The following AFG2A variants were observed in gnomAD, a reference collection of about 807,000 sequenced individuals.
AFG2A encodes ATPase family gene 2 protein homolog A.
chr4:123,281,783 A>G, the AFG2A span, among the ~76,000 whole-genome samples: 25,598 of 152,166 alleles, frequency 0.17, 2,539 homozygotes, highest in African/African-American at 0.27. Flanking sequence ...CTATAAGGCC[A>G]TGACAGTGCA....
chr4:123,140,542 G>A, the AFG2A span, among the ~76,000 whole-genome samples: 1 of 151,026 alleles, frequency 6.6e-6, no homozygotes, highest in East Asian at 1.9e-4. Flanking sequence ...AATGCCACAG[G>A]CATTATAAAT....
At chr4:122,947,940 T>A in the AFG2A span, among the ~76,000 whole-genome samples, 1 of 152,122 alleles carries the variant, frequency 6.6e-6, no homozygotes, top group Non-Finnish European at 1.5e-5. Flanking sequence ...ATTGGAAAAT[T>A]TTTTGGAGAT....
chr4:123,223,674 A>G, the AFG2A span, among the ~76,000 whole-genome samples: 4 of 152,124 alleles, frequency 2.6e-5, no homozygotes, highest in African/African-American at 7.2e-5. Flanking sequence ...CCATGGTCCA[A>G]TCACCTCCCA....
the AFG2A span, among the ~76,000 whole-genome samples, chr4:123,192,837 CT>C: frequency 6.6e-6 from 1 of 152,180 alleles, no homozygotes; most frequent in Non-Finnish European, 1.5e-5. Context: ...TTTATTCTAC[CT>C]TTGATTTGGT....
the AFG2A span, among the ~76,000 whole-genome samples, chr4:122,944,098 C>G: frequency 6.6e-6 from 1 of 152,300 alleles, no homozygotes; most frequent in South Asian, 2.1e-4. Flanking sequence ...TTTGGTGAAT[C>G]TGACAATTAT....
At chr4:123,293,786 G>A in the AFG2A span, among the ~76,000 whole-genome samples, 14 of 152,200 alleles carry the variant, frequency 9.2e-5, no homozygotes, top group African/African-American at 3.1e-4. Context: ...GAGTTCAGAT[G>A]CCAGCAGTCT....
the AFG2A span, among the ~76,000 whole-genome samples, chr4:123,052,885 C>T: frequency 2.0e-5 from 3 of 152,162 alleles, no homozygotes; most frequent in African/African-American, 7.2e-5. Context: ...CAGTCTGTGG[C>T]TGAAGGCCTG....
the AFG2A span, among the ~76,000 whole-genome samples, chr4:123,041,482 T>A: frequency 9.7e-4 from 148 of 151,944 alleles, no homozygotes; most frequent in Admixed American, 2.5e-3. Flanking sequence ...TTTTAGACTA[T>A]GTATAATCTA....
chr4:122,950,618 G>T, the AFG2A span, among the ~76,000 whole-genome samples: 1 of 152,238 alleles, frequency 6.6e-6, no homozygotes, highest in East Asian at 1.9e-4. Context: ...GGGATTACAG[G>T]CGTGAGCCAC....
the AFG2A span, among the ~76,000 whole-genome samples, chr4:123,046,104 A>AG: frequency 1.3e-5 from 2 of 151,990 alleles, no homozygotes; most frequent in African/African-American, 4.8e-5. Flanking sequence ...CTCAAAAAAA[A>AG]AAAAGAAAGA....
At chr4:123,209,951 C>A in the AFG2A span, among the ~76,000 whole-genome samples, 1 of 152,160 alleles carries the variant, frequency 6.6e-6, no homozygotes, top group African/African-American at 2.4e-5. Context: ...TTACTCCTTC[C>A]AGGTCCTAAG....
the AFG2A span, among the ~76,000 whole-genome samples, chr4:122,968,457 C>T: frequency 1.3e-5 from 2 of 152,220 alleles, no homozygotes; most frequent in Non-Finnish European, 2.9e-5. Flanking sequence ...ATGCTCACCT[C>T]AACCCAAAAG....
chr4:123,192,607 G>T, the AFG2A span, among the ~76,000 whole-genome samples: 8 of 152,326 alleles, frequency 5.3e-5, no homozygotes, highest in East Asian at 7.7e-4. Flanking sequence ...ATCGAATAAT[G>T]CAGGTAAAGA....
chr4:122,979,935 A>G, the AFG2A span, among the ~76,000 whole-genome samples: 2 of 152,128 alleles, frequency 1.3e-5, no homozygotes, highest in Non-Finnish European at 1.5e-5. Context: ...ACTATATTAC[A>G]ATACTAAAAC....
the AFG2A span, among the ~76,000 whole-genome samples, chr4:123,096,134 TG>T: frequency 3.9e-5 from 6 of 152,254 alleles, no homozygotes; most frequent in South Asian, 1.2e-3. Flanking sequence ...CACACTAGGC[TG>T]GTGAAATAAT....
At chr4:123,014,323 G>T in the AFG2A span, among the ~76,000 whole-genome samples, 1 of 152,100 alleles carries the variant, frequency 6.6e-6, no homozygotes. Context: ...GAAGAATTTT[G>T]TAGGCGAGTT....
the AFG2A span, among the ~76,000 whole-genome samples, chr4:122,958,367 A>G: frequency 6.7e-4 from 102 of 152,336 alleles, no homozygotes; most frequent in African/African-American, 2.3e-3. Flanking sequence ...GAGTGCTTGT[A>G]AATGGCCACT....
chr4:122,987,985 A>T, the AFG2A span, among the ~76,000 whole-genome samples: 2 of 151,948 alleles, frequency 1.3e-5, no homozygotes, highest in Non-Finnish European at 2.9e-5. Flanking sequence ...CTGAATACCC[A>T]CATTTTTATT....
the AFG2A span, among the ~76,000 whole-genome samples, chr4:123,226,785 G>C: frequency 1.3e-5 from 2 of 152,290 alleles, no homozygotes; most frequent in Admixed American, 6.5e-5. Context: ...AGAAGGAATG[G>C]TACCAGCTCC....
Sources: allele counts gnomAD v4.1 joint callset (sites outside exome capture counted in the v4.1 genomes callset), GRCh38; gene constraint gnomAD v4.1.1; transcripts MANE v1.5; gene names NCBI Gene and HGNC (gene_info 2026-07-23, HGNC 2026-07-21).